The following DNAJC24 variants were observed in gnomAD, a reference collection of about 807,000 sequenced individuals.
The protein encoded by DNAJC24 is dnaJ homolog subfamily C member 24.
A neutral mutation model predicts 18.0 loss-of-function variants in DNAJC24; 17 were observed. The observed-to-expected ratio is 0.94, with a 90% CI of 0.65 to 1.42. The LOEUF is 1.42. Ranked by LOEUF, DNAJC24 falls within the 40% of genes most tolerant of loss-of-function variation. DNAJC24 has a pLI of 0.00. For synonymous variants in DNAJC24, 55 were observed against 57.7 expected (o/e 0.95, Z 0.21); for missense variants, 158 against 175.6 (o/e 0.90, Z 0.57).
chr11:31,424,176 G>T (rs1431137427), intron 3 of DNAJC24, among the ~76,000 whole-genome samples: 3 of 152,108 alleles, frequency 2.0e-5, no homozygotes, highest in African/African-American at 7.2e-5. Context: ...TATATTACAG[G>T]TGTTCAAGAT....
At chr11:31,420,952 TG>T (rs1952798152) in intron 3 of DNAJC24, among the ~76,000 whole-genome samples, 1 of 152,206 alleles carries the variant, frequency 6.6e-6, no homozygotes, top group South Asian at 2.1e-4. Flanking sequence ...GTACCTTCAG[TG>T]AGCACTGGGT....
intron 1 of DNAJC24, 103 bp downstream of exon 1, chr11:31,370,015 AGGCCCC>A (rs1952196653): frequency 6.6e-6 from 1 of 152,366 alleles, no homozygotes; most frequent in South Asian, 2.1e-4. Flanking sequence ...GAGCTTGAGG[AGGCCCC>A]GGCTGTTTCG....
At chr11:31,416,689 G>A (rs889638449) in intron 3 of DNAJC24, 1 of 152,106 alleles carries the variant, frequency 6.6e-6, no homozygotes, top group African/African-American at 2.4e-5. Context: ...GAGGTAGGGA[G>A]GGATCAGGAA....
At chr11:31,413,869 C>A (rs1952732074) in intron 2 of DNAJC24, among the ~76,000 whole-genome samples, 2 of 152,046 alleles carry the variant, frequency 1.3e-5, no homozygotes, top group South Asian at 4.1e-4. Flanking sequence ...TTTAGATAAT[C>A]TTTTCACATT....
chr11:31,429,486 C>T (rs1359957578), intron 4 of DNAJC24: 2 of 399,104 alleles, frequency 5.0e-6, no homozygotes, highest in Non-Finnish European at 5.4e-6. Flanking sequence ...TTGACAGTTA[C>T]TTCTCAGAGA....
At chr11:31,401,712 A>G (rs183363537) in intron 2 of DNAJC24, among the ~76,000 whole-genome samples, 14 of 152,330 alleles carry the variant, frequency 9.2e-5, no homozygotes, top group Non-Finnish European at 1.5e-4. Flanking sequence ...TATTAATGGT[A>G]TTAAAATGGC....
At chr11:31,371,536 T>TA (rs1308751518) in intron 2 of DNAJC24, among the ~76,000 whole-genome samples, 1 of 152,012 alleles carries the variant, frequency 6.6e-6, no homozygotes, top group Admixed American at 6.6e-5. Flanking sequence ...TATCCTTTAA[T>TA]AAACTTATCA....
chr11:31,416,384 A>C (rs1564956844), intron 3 of DNAJC24: 2 of 152,156 alleles, frequency 1.3e-5, no homozygotes, highest in Non-Finnish European at 1.5e-5. Context: ...CATGATTTCT[A>C]TGAAAGAATT....
intron 2 of DNAJC24, among the ~76,000 whole-genome samples, chr11:31,410,148 G>A (rs1371666019): frequency 2.6e-5 from 4 of 151,996 alleles, no homozygotes; most frequent in Admixed American, 1.3e-4. Context: ...CTCCCAAAGT[G>A]CTGGGATTAC....
At chr11:31,412,050 A>G (rs1952715202) in intron 2 of DNAJC24, among the ~76,000 whole-genome samples, 1 of 152,216 alleles carries the variant, frequency 6.6e-6, no homozygotes, top group Non-Finnish European at 1.5e-5. Context: ...TCAGATGGCG[A>G]GCACCTTATT....
At chr11:31,381,010 C>T (rs936732584) in intron 2 of DNAJC24, among the ~76,000 whole-genome samples, 1 of 152,076 alleles carries the variant, frequency 6.6e-6, no homozygotes, top group African/African-American at 2.4e-5. Context: ...ATACTTTCAA[C>T]CAAAATGTTT....
chr11:31,429,561 T>A (rs189496001), intron 4 of DNAJC24: 2 of 366,828 alleles, frequency 5.5e-6, no homozygotes, highest in Non-Finnish European at 1.2e-5. Flanking sequence ...CATTTCAACT[T>A]CCCAGGAAAA....
intron 2 of DNAJC24, among the ~76,000 whole-genome samples, chr11:31,375,001 A>G (rs995394423): frequency 7.5e-6 from 1 of 133,660 alleles, no homozygotes; most frequent in African/African-American, 2.5e-5. Context: ...TTCTGTTACT[A>G]TCAAGGAATT....
intron 4 of DNAJC24, chr11:31,426,620 G>T: frequency 3.3e-6 from 1 of 303,716 alleles, no homozygotes; most frequent in East Asian, 5.8e-5. Flanking sequence ...GAGTTTTTTT[G>T]TTGTGTTTTT....
intron 2 of DNAJC24, among the ~76,000 whole-genome samples, chr11:31,400,357 G>A (rs990668083): frequency 5.3e-5 from 8 of 151,956 alleles, no homozygotes; most frequent in East Asian, 1.9e-4. Context: ...ATGGTTATTC[G>A]CAGAATTAGA....
intron 2 of DNAJC24, among the ~76,000 whole-genome samples, chr11:31,374,981 A>T (rs1055558574): frequency 7.5e-6 from 1 of 133,984 alleles, no homozygotes; most frequent in Non-Finnish European, 1.7e-5. Context: ...TTAAAAAATT[A>T]TTATTCCTTT....
chr11:31,398,495 T>C lies in DNAJC24; in HGVS notation c.112-16316T>C, dbSNP rs1198375013. ...TTATTTAAAGAATATTTGTACATTT[T>C]AGGTCCACAGGAACATTTCTGCAAA... is the stretch of plus-strand genomic sequence containing the variant. On this transcript the variant is annotated intron_variant, in intron 2 of 4. Coordinates refer to ENST00000465995, the MANE Select transcript of DNAJC24 (RefSeq NM_181706.5). 5.9e-5 allele frequency among the ~76,000 whole-genome samples: 9 copies of C among 152,246 alleles called. No homozygotes were observed. The East Asian group carries it at 1.7e-3, about 29-fold the overall frequency.
At chr11:31,391,942 C>T (rs950564440) in intron 2 of DNAJC24, among the ~76,000 whole-genome samples, 4 of 152,034 alleles carry the variant, frequency 2.6e-5, no homozygotes, top group African/African-American at 9.7e-5. Flanking sequence ...CTGTCATTTG[C>T]AACAACATGC....
chr11:31,401,595 T>C (rs1952601974), intron 2 of DNAJC24, among the ~76,000 whole-genome samples: 1 of 152,018 alleles, frequency 6.6e-6, no homozygotes. Flanking sequence ...CTATCAGGAA[T>C]CTCAGAATCA....
Sources: allele counts gnomAD v4.1 joint callset (sites outside exome capture counted in the v4.1 genomes callset), GRCh38; gene constraint gnomAD v4.1.1; transcripts MANE v1.5; gene names NCBI Gene and HGNC (gene_info 2026-07-23, HGNC 2026-07-21).